The following SLC3A1 variants were observed in gnomAD, a reference collection of about 807,000 sequenced individuals.
SLC3A1 encodes the protein solute carrier family 3 member 1.
SLC3A1 carries 78 observed loss-of-function variants against 60.3 expected under a neutral mutation model. The ratio of observed to expected loss-of-function variants is 1.29; its 90% CI spans 1.08 to 1.56. The LOEUF is 1.56. Ranked by LOEUF, SLC3A1 falls within the 40% of genes most tolerant of loss-of-function variation. SLC3A1 has a pLI of 0.00. For synonymous variants in SLC3A1, 392 were observed against 307.9 expected (o/e 1.27, Z -2.86); for missense variants, 1,172 against 858.9 (o/e 1.36, Z -4.56).
chr2:44,304,285 G>A lies in SLC3A1; in HGVS notation c.1279G>A (p.Val427Ile), dbSNP rs763886297. ...DTVSGNSVYE[V>I]ITSWMENMPE... ...TGTTTCTGGGAACAGCGTGTATGAG[G>A]TTATCACATCCTGGATGGAAAACAT... The change falls in exon 7 of 10, where the codon GTT (valine) becomes ATT (isoleucine). Residue 427 changes from valine (V) to isoleucine (I), a missense_variant. By Grantham distance (29) the Val-to-Ile change is conservative. Transcript: ENST00000260649. The A allele has an allele frequency of 2.5e-6, 4 of 1,614,196 alleles. No individual in the cohort carries two copies. In the South Asian group the frequency reaches 3.3e-5, roughly 13 times the overall value.
At chr2:44,309,356 C>T (rs1672237009) in intron 7 of SLC3A1, among the ~76,000 whole-genome samples, 1 of 152,158 alleles carries the variant, frequency 6.6e-6, no homozygotes, top group African/African-American at 2.4e-5. Context: ...TTAATGTTTT[C>T]AACTTTCCTT....
chr2:44,298,153 T>A (rs186445667), intron 4 of SLC3A1, among the ~76,000 whole-genome samples: 1 of 151,440 alleles, frequency 6.6e-6, no homozygotes, highest in African/African-American at 2.4e-5. Flanking sequence ...GGAAATGCCA[T>A]ACTATACAGT....
Position 44,275,576 on chromosome 2 carries a change from G to C in SLC3A1, c.41G>C (p.Ser14Thr), listed in dbSNP as rs779423743. Residue 14 changes from serine (S) to threonine (T), a missense_variant, in exon 1 of 10, where the codon AGT (serine) becomes ACT (threonine). By Grantham distance (58) the Ser-to-Thr change is moderately conservative. Coordinates refer to ENST00000260649, the MANE Select transcript of SLC3A1 (RefSeq NM_000341.4). ...DKSKRDSIEM[S>T]MKGCQTNNGF... ...AGCAAGAGAGACTCCATCGAGATGA[G>C]TATGAAGGGATGCCAGACAAACAAC... 3.1e-6 allele frequency: 5 copies of C among 1,614,072 alleles called. No individual in the cohort carries two copies. In the African/African-American group the frequency reaches 6.7e-5, roughly 22 times the overall value.
rs1162727273 is a variant in SLC3A1 at position 44,320,680 on chromosome 2, GATTGTAAGC to G, written c.*45_*53del. 6.7e-7 allele frequency: 1 copy of G among 1,493,032 alleles called. No individual in the cohort carries two copies. The highest frequency in any genetic ancestry group is 9.3e-7 in the Non-Finnish European group (1 of 1,070,508). 92.5% of individuals were successfully genotyped at this position (1,493,032 alleles called of 1,614,324 possible). The stretch of plus-strand genomic sequence containing the variant: ...GATGAAGACACTGGCATTTCAGTGG[GATTGTAAGC>G]ATTTGTAATAGCTTCATGTACAGCA... On this transcript the variant is annotated 3_prime_UTR_variant, in exon 10 of 10. Transcript: ENST00000260649.
intron 4 of SLC3A1, among the ~76,000 whole-genome samples, chr2:44,296,380 G>A (rs1181711181): frequency 6.6e-6 from 1 of 152,218 alleles, no homozygotes; most frequent in Non-Finnish European, 1.5e-5. Flanking sequence ...GCTTGCCTAA[G>A]TGCCTGGTAT....
chr2:44,310,479 A>G (rs1178565230), intron 7 of SLC3A1, among the ~76,000 whole-genome samples: 2 of 152,062 alleles, frequency 1.3e-5, no homozygotes, highest in Non-Finnish European at 2.9e-5. Flanking sequence ...TCTGGCCTTC[A>G]TGGTTTCTGA....
At chr2:44,278,033 C>G (rs544692079) in intron 1 of SLC3A1, among the ~76,000 whole-genome samples, 4 of 152,258 alleles carry the variant, frequency 2.6e-5, no homozygotes, top group East Asian at 1.9e-4. Context: ...TGTGCCTCAT[C>G]ATAAGATATA....
chr2:44,318,816 T>A (rs1672669335), intron 9 of SLC3A1: 1 of 152,172 alleles, frequency 6.6e-6, no homozygotes, highest in South Asian at 2.1e-4. Context: ...ATGAAAAGCA[T>A]TATATGAGAC....
chr2:44,296,486 T>A (rs558706351), intron 4 of SLC3A1, among the ~76,000 whole-genome samples: 3 of 152,120 alleles, frequency 2.0e-5, no homozygotes, highest in Non-Finnish European at 4.4e-5. Context: ...CAGAGAAAAA[T>A]TCCACTGGGT....
intron 4 of SLC3A1, among the ~76,000 whole-genome samples, chr2:44,296,177 C>T (rs1304562752): frequency 2.0e-5 from 3 of 152,186 alleles, no homozygotes; most frequent in African/African-American, 4.8e-5. Context: ...GCTGTCACTT[C>T]CTGTTTGCCA....
intron 4 of SLC3A1, among the ~76,000 whole-genome samples, chr2:44,290,231 A>T (rs978097676): frequency 6.6e-6 from 1 of 151,934 alleles, no homozygotes; most frequent in Non-Finnish European, 1.5e-5. Flanking sequence ...TTGAAAATCA[A>T]TTGACCATAA....
chr2:44,308,183 T>G (rs1236974715), intron 7 of SLC3A1, among the ~76,000 whole-genome samples: 2 of 152,174 alleles, frequency 1.3e-5, no homozygotes, highest in African/African-American at 2.4e-5. Context: ...TGATTAGATT[T>G]CCAGACTCTC....
intron 4 of SLC3A1, among the ~76,000 whole-genome samples, chr2:44,290,747 G>C (rs1396639362): frequency 6.7e-6 from 1 of 148,744 alleles, no homozygotes; most frequent in African/African-American, 2.5e-5. Flanking sequence ...TTTGGAATTG[G>C]TTCTGGAAGT....
intron 6 of SLC3A1, among the ~76,000 whole-genome samples, chr2:44,301,661 C>G (rs1381739379): frequency 6.7e-6 from 1 of 149,986 alleles, no homozygotes. Flanking sequence ...ATCACTTGAA[C>G]CCGGGAAGCA....
intron 7 of SLC3A1, among the ~76,000 whole-genome samples, chr2:44,308,286 C>T (rs1419148498): frequency 6.6e-6 from 1 of 152,150 alleles, no homozygotes; most frequent in Non-Finnish European, 1.5e-5. Context: ...AGTATGGGTC[C>T]TCCAACTTTG....
chr2:44,282,017 G>A (rs988947657), intron 3 of SLC3A1, among the ~76,000 whole-genome samples: 9 of 151,998 alleles, frequency 5.9e-5, no homozygotes, highest in Admixed American at 3.3e-4. Flanking sequence ...GATTACAGGC[G>A]CGCGTCATCA....
chr2:44,286,385 A>G (rs1170615979), intron 4 of SLC3A1, among the ~76,000 whole-genome samples: 2 of 152,364 alleles, frequency 1.3e-5, no homozygotes, highest in Admixed American at 1.3e-4. Context: ...AGACTCTCAG[A>G]CATGTCTGTG....
intron 7 of SLC3A1, among the ~76,000 whole-genome samples, chr2:44,306,873 A>G (rs6705951): frequency 6.6e-6 from 1 of 151,846 alleles, no homozygotes; most frequent in East Asian, 1.9e-4. Flanking sequence ...TACCGTTATT[A>G]AAGTATATAA....
rs140957549 is a variant in SLC3A1 at position 44,310,258 on chromosome 2, G to A, written c.1333-2328G>A. ...AACTGTTTTCCATAGTGACTTCTCCGTTTTACATTCCCATCAGCCATGTAC... is the reference window on the plus strand; with the variant it reads ...AACTGTTTTCCATAGTGACTTCTCCATTTTACATTCCCATCAGCCATGTAC... On this transcript the variant is annotated intron_variant, in intron 7 of 9. Coordinates refer to ENST00000260649, the MANE Select transcript of SLC3A1 (RefSeq NM_000341.4). Among the ~76,000 whole-genome samples the A allele has an allele frequency of 3.1e-3, 472 of 152,212 alleles. 8 individuals carry two copies. Among genetic ancestry groups the A allele is most frequent in the Admixed American group, 0.019 (293 of 15,274 alleles).
Sources: gnomAD v4.1 joint callset for allele counts (sites outside exome capture counted in the v4.1 genomes callset) on GRCh38, gnomAD v4.1.1 for gene constraint, MANE v1.5 for transcripts, NCBI Gene and HGNC (gene_info 2026-07-23, HGNC 2026-07-21) for gene names.